SMIM14: variants seen among roughly 807,000 people sequenced by gnomAD.
SMIM14 encodes chromosome 4 open reading frame 34.
A neutral mutation model predicts 12.6 loss-of-function variants in SMIM14; 5 were observed. That is an observed-to-expected ratio of 0.40 (90% confidence interval 0.21 to 0.83). The LOEUF is 0.83. Among genes scored for constraint, SMIM14 ranks in the 40% least tolerant of loss-of-function variants. SMIM14 has a pLI of 0.37. For synonymous variants in SMIM14, 30 were observed against 40.1 expected (o/e 0.75, Z 0.95); for missense variants, 86 against 119.1 (o/e 0.72, Z 1.29).
chr4:39,573,225 A>G (rs1712991865), intron 2 of SMIM14, among the ~76,000 whole-genome samples: 1 of 151,988 alleles, frequency 6.6e-6, no homozygotes, highest in Non-Finnish European at 1.5e-5. Flanking sequence ...CCTCCTGAGT[A>G]GCTGGGATTA....
chr4:39,605,612 G>C (rs1714774186), intron 1 of SMIM14, among the ~76,000 whole-genome samples: 3 of 152,096 alleles, frequency 2.0e-5, no homozygotes, highest in African/African-American at 4.8e-5. Flanking sequence ...AAAATAGCTA[G>C]GTAGATTTCA....
At chr4:39,601,648 T>A (rs1714614304) in intron 2 of SMIM14, among the ~76,000 whole-genome samples, 1 of 152,080 alleles carries the variant, frequency 6.6e-6, no homozygotes, top group East Asian at 1.9e-4. Context: ...AGTATAAAAG[T>A]AGAAGATAAT....
chr4:39,619,863 TATATATATATATA>T (rs1715406631), intron 1 of SMIM14, among the ~76,000 whole-genome samples: 1 of 71,812 alleles, frequency 1.4e-5, no homozygotes, highest in African/African-American at 5.8e-5. Flanking sequence ...TATATATTTA[TATATATATATATA>T]TTTTTTTTTT....
chr4:39,553,182 T>C (rs1286003140), intron 4 of SMIM14, among the ~76,000 whole-genome samples: 3 of 151,770 alleles, frequency 2.0e-5, no homozygotes, highest in African/African-American at 7.3e-5. Context: ...TGCCTCAGCC[T>C]CCCGAGTAGC....
At chr4:39,599,209 AC>A (rs1288343397) in intron 2 of SMIM14, among the ~76,000 whole-genome samples, 1 of 152,046 alleles carries the variant, frequency 6.6e-6, no homozygotes, top group African/African-American at 2.4e-5. Flanking sequence ...TAGATTCTTG[AC>A]CCTTAGTGTG....
chr4:39,590,323 G>C (rs1714001386), intron 2 of SMIM14, among the ~76,000 whole-genome samples: 1 of 151,204 alleles, frequency 6.6e-6, no homozygotes, highest in Non-Finnish European at 1.5e-5. Flanking sequence ...TGAGGCAGGA[G>C]AATTGCTTGT....
intron 1 of SMIM14, among the ~76,000 whole-genome samples, chr4:39,621,694 T>C (rs1034084636): frequency 4.7e-4 from 69 of 147,208 alleles, no homozygotes; most frequent in African/African-American, 7.7e-4. Context: ...TTCTTTTTTT[T>C]TTTTTTTTTT....
At chr4:39,619,346 A>G (rs2110071799) in intron 1 of SMIM14, among the ~76,000 whole-genome samples, 1 of 82,012 alleles carries the variant, frequency 1.2e-5, no homozygotes, top group Non-Finnish European at 2.1e-5. Context: ...ATCAATAAAT[A>G]TAATTTATTC....
intron 2 of SMIM14, among the ~76,000 whole-genome samples, chr4:39,590,576 C>T (rs1355534345): frequency 4.6e-5 from 7 of 151,210 alleles, no homozygotes; most frequent in African/African-American, 1.7e-4. Context: ...CCAAGGTGGG[C>T]GGATCACCTA....
At chr4:39,619,422 ATAATTTATTCTATATCAATAAATATAATT>A (rs1715359300) in intron 1 of SMIM14, among the ~76,000 whole-genome samples, 1 of 99,020 alleles carries the variant, frequency 1.0e-5, no homozygotes, top group Admixed American at 1.3e-4. Context: ...ATCAATAAAT[ATAATTTATTCTATATCAATAAATATAATT>A]TATTCTATAT....
chr4:39,631,055 T>C (rs1715877162), intron 1 of SMIM14, among the ~76,000 whole-genome samples: 1 of 152,088 alleles, frequency 6.6e-6, no homozygotes, highest in Non-Finnish European at 1.5e-5. Flanking sequence ...AAACTTGTTT[T>C]TGCCAGGGCA....
At chr4:39,617,620 A>G (rs1715271930) in intron 1 of SMIM14, among the ~76,000 whole-genome samples, 1 of 152,216 alleles carries the variant, frequency 6.6e-6, no homozygotes, top group African/African-American at 2.4e-5. Flanking sequence ...CCCATCATCA[A>G]TGAAGATATT....
intron 1 of SMIM14, among the ~76,000 whole-genome samples, chr4:39,619,052 A>C (rs1442600952): frequency 6.6e-6 from 1 of 152,022 alleles, no homozygotes; most frequent in Non-Finnish European, 1.5e-5. Flanking sequence ...CCAACAAATT[A>C]AGTGATGATA....
chr4:39,630,867 CAAA>C (rs11451806), intron 1 of SMIM14, among the ~76,000 whole-genome samples: 6 of 53,840 alleles, frequency 1.1e-4, no homozygotes, highest in Admixed American at 2.1e-4. Flanking sequence ...AAAACCCTGT[CAAA>C]AAAAAAAAAA....
chr4:39,571,807 AT>A (rs112269050), intron 3 of SMIM14, among the ~76,000 whole-genome samples: 92 of 144,508 alleles, frequency 6.4e-4, no homozygotes, highest in Middle Eastern at 3.6e-3. Flanking sequence ...AAGTTCTTCT[AT>A]TTTTTTTTTT....
chr4:39,638,780 G>A lies in SMIM14; in HGVS notation c.-77C>T, dbSNP rs1716203205. 2.3e-5 allele frequency: 23 copies of A among 985,542 alleles called. No individual in the cohort carries two copies. Among genetic ancestry groups the A allele is most frequent in the Non-Finnish European group, 2.8e-5 (23 of 830,020 alleles). The allele number at this position is 985,542 out of a possible 1,614,324, so 61.0% of individuals were successfully genotyped here. On this transcript the variant is annotated 5_prime_UTR_variant, in exon 1 of 5. Coordinates refer to ENST00000295958, the MANE Select transcript of SMIM14 (RefSeq NM_174921.3). ...CGATGGGGCGGGGAGGATGGGGGCC[G>A]GGACCGAGGCTCGGCAGAAAGACCG... is the stretch of plus-strand genomic sequence containing the variant.
chr4:39,632,336 T>G (rs1715931597), intron 1 of SMIM14, among the ~76,000 whole-genome samples: 2 of 151,608 alleles, frequency 1.3e-5, no homozygotes, highest in African/African-American at 4.9e-5. Context: ...AAAAATTAGC[T>G]GGGCATGGTG....
chr4:39,615,106 T>A (rs73808487), intron 1 of SMIM14, among the ~76,000 whole-genome samples: 11,260 of 152,002 alleles, frequency 0.074, 1,339 homozygotes, highest in African/African-American at 0.25. Flanking sequence ...GTTTTTTTTT[T>A]AATTTATTTA....
intron 3 of SMIM14, among the ~76,000 whole-genome samples, chr4:39,568,452 T>C (rs1378791196): frequency 6.6e-6 from 1 of 151,580 alleles, no homozygotes; most frequent in African/African-American, 2.4e-5. Flanking sequence ...ATAACACCTA[T>C]GAAAAGGGGA....
Sources: allele counts gnomAD v4.1 joint callset (sites outside exome capture counted in the v4.1 genomes callset), GRCh38; gene constraint gnomAD v4.1.1; transcripts MANE v1.5; gene names NCBI Gene and HGNC (gene_info 2026-07-23, HGNC 2026-07-21).